The following CSMD1 variants were observed in gnomAD, a reference collection of about 807,000 sequenced individuals.
The protein encoded by CSMD1 is CUB and sushi domain-containing protein 1.
CSMD1 carries 213 observed loss-of-function variants against 417.5 expected under a neutral mutation model. The ratio of observed to expected loss-of-function variants is 0.51; its 90% CI spans 0.46 to 0.57. The LOEUF (loss-of-function observed/expected upper bound fraction) is 0.57, where lower values mean the gene tolerates loss of function less well. Among genes scored for constraint, CSMD1 ranks in the 20% least tolerant of loss-of-function variants. CSMD1 has a pLI of 0.00. For synonymous variants in CSMD1, 2,862 were observed against 1,736.8 expected (o/e 1.65, Z -16.11); for missense variants, 6,923 against 4,529.7 (o/e 1.53, Z -15.17).
intron 7 of CSMD1, among the ~76,000 whole-genome samples, chr8:3,694,640 G>C (rs1800448396): frequency 6.6e-6 from 1 of 151,958 alleles, no homozygotes; most frequent in Non-Finnish European, 1.5e-5. Flanking sequence ...GAGGGAGGCT[G>C]GGTGGGTGGA....
At chr8:3,095,654 A>AT (rs909428582) in intron 47 of CSMD1, among the ~76,000 whole-genome samples, 9 of 152,268 alleles carry the variant, frequency 5.9e-5, no homozygotes, top group Middle Eastern at 6.8e-3. Context: ...AGAATAATTT[A>AT]TTTTTTTCAC....
intron 2 of CSMD1, among the ~76,000 whole-genome samples, chr8:4,524,087 T>C (rs1040999878): frequency 6.6e-6 from 1 of 152,062 alleles, no homozygotes; most frequent in African/African-American, 2.4e-5. Flanking sequence ...AACTAGACTC[T>C]GGAATAGTCC....
At chr8:3,652,286 G>C (rs1190336343) in intron 7 of CSMD1, among the ~76,000 whole-genome samples, 1 of 150,642 alleles carries the variant, frequency 6.6e-6, no homozygotes, top group Non-Finnish European at 1.5e-5. Context: ...ACCACCATCA[G>C]CTTACCACTG....
chr8:4,621,694 C>A (rs1263216569), intron 2 of CSMD1, among the ~76,000 whole-genome samples: 1 of 151,958 alleles, frequency 6.6e-6, no homozygotes, highest in Admixed American at 6.6e-5. Context: ...TTACCGTCTC[C>A]TGTACAGTGA....
chr8:3,958,952 T>G (rs1812145899), intron 5 of CSMD1, among the ~76,000 whole-genome samples: 1 of 152,322 alleles, frequency 6.6e-6, no homozygotes, highest in East Asian at 1.9e-4. Context: ...AGCCCTGACC[T>G]TGGCTTAGGA....
At chr8:4,178,477 C>G (rs941981079) in intron 3 of CSMD1, among the ~76,000 whole-genome samples, 3 of 151,278 alleles carry the variant, frequency 2.0e-5, no homozygotes, top group Admixed American at 1.3e-4. Context: ...CAATATCATA[C>G]TGAATGGGCA....
chr8:3,313,840 A>G (rs193021168), intron 23 of CSMD1, among the ~76,000 whole-genome samples: 97 of 152,322 alleles, frequency 6.4e-4, no homozygotes, highest in African/African-American at 2.3e-3. Flanking sequence ...TAGCGGCACT[A>G]TTCACAATAG....
intron 1 of CSMD1, among the ~76,000 whole-genome samples, chr8:4,730,769 A>G (rs1303436971): frequency 6.6e-6 from 1 of 152,054 alleles, no homozygotes; most frequent in Non-Finnish European, 1.5e-5. Flanking sequence ...AAAAAGAATA[A>G]AGGAAATGAA....
At chr8:3,936,826 C>G (rs1810531907) in intron 5 of CSMD1, among the ~76,000 whole-genome samples, 1 of 152,130 alleles carries the variant, frequency 6.6e-6, no homozygotes, top group East Asian at 1.9e-4. Flanking sequence ...AAGGCTATTG[C>G]TGCATGGAGA....
intron 4 of CSMD1, among the ~76,000 whole-genome samples, chr8:4,018,756 G>C (rs1047017929): frequency 2.6e-5 from 4 of 152,102 alleles, no homozygotes; most frequent in Admixed American, 2.6e-4. Context: ...TGTGACAAGG[G>C]CCGTGGCACA....
chr8:4,752,424 G>A (rs1256910188), intron 1 of CSMD1, among the ~76,000 whole-genome samples: 1 of 152,156 alleles, frequency 6.6e-6, no homozygotes, highest in Non-Finnish European at 1.5e-5. Flanking sequence ...CTGAACTTGT[G>A]ACTGATTGTT....
intron 1 of CSMD1, among the ~76,000 whole-genome samples, chr8:4,717,152 G>T (rs553543519): frequency 6.6e-6 from 1 of 151,410 alleles, no homozygotes; most frequent in African/African-American, 2.4e-5. Flanking sequence ...AAAAACTAGG[G>T]TATACAGTGA....
chr8:3,222,132 C>A (rs1043147321), intron 28 of CSMD1, among the ~76,000 whole-genome samples: 3 of 152,106 alleles, frequency 2.0e-5, no homozygotes, highest in South Asian at 4.2e-4. Context: ...GACATTGGGT[C>A]GGCTAATAAG....
Position 4,543,751 on chromosome 8 carries a change from G to A in CSMD1, c.302+93591C>T, listed in dbSNP as rs76011471. 3.1e-3 allele frequency among the ~76,000 whole-genome samples: 409 copies of A among 130,500 alleles called. 2 individuals are homozygous for A. Among genetic ancestry groups the A allele is most frequent in the Middle Eastern group, 5.0e-3 (1 of 200 alleles). 85.6% of individuals were successfully genotyped at this position (130,500 alleles called of 152,430 possible). A position where few individuals can be genotyped will look rare whatever the true frequency, so the allele number is the denominator to read the frequency against. On this transcript the variant is annotated intron_variant, in intron 2 of 69. Coordinates refer to ENST00000635120, the MANE Select transcript of CSMD1 (RefSeq NM_033225.6). ...GGCTGTACCATTTTGCATTCCCACC[G>A]CTAATGACTGAGAGTTCCAGTGGAT...
intron 3 of CSMD1, among the ~76,000 whole-genome samples, chr8:4,227,059 C>A (rs887766133): frequency 1.3e-5 from 2 of 152,146 alleles, no homozygotes; most frequent in Non-Finnish European, 2.9e-5. Flanking sequence ...GACTGAACGA[C>A]TCTGAAGGTG....
rs546448407 is a variant in CSMD1 at position 4,177,540 on chromosome 8, C to G, written c.416-145441G>C. Among the ~76,000 whole-genome samples the G allele has an allele frequency of 1.2e-4, 19 of 152,172 alleles. No individual in the cohort carries two copies. In the South Asian group the frequency reaches 4.0e-3, roughly 32 times the overall value. On this transcript the variant is annotated intron_variant, in intron 3 of 69. Transcript: ENST00000635120. ...AAAGAACTAGAAAAACAAGAGCAAA[C>G]ACATTCAAAGCTAGCAGAAGGCAAG...
At chr8:4,123,285 G>A (rs747451601) in intron 3 of CSMD1, among the ~76,000 whole-genome samples, 2 of 152,146 alleles carry the variant, frequency 1.3e-5, no homozygotes, top group African/African-American at 2.4e-5. Flanking sequence ...AATATATTAG[G>A]TCAACAAACA....
chr8:3,789,519 T>A (rs1799617362), intron 5 of CSMD1, among the ~76,000 whole-genome samples: 1 of 150,998 alleles, frequency 6.6e-6, no homozygotes, highest in Non-Finnish European at 1.5e-5. Flanking sequence ...ACCATTCAGG[T>A]TTTTATGCTA....
At chr8:4,825,440 T>G (rs184420643) in intron 1 of CSMD1, among the ~76,000 whole-genome samples, 1 of 152,192 alleles carries the variant, frequency 6.6e-6, no homozygotes, top group Admixed American at 6.6e-5. Flanking sequence ...ACCAGCAGTT[T>G]TCTAGAACTT....
Sources: allele counts gnomAD v4.1 joint callset (sites outside exome capture counted in the v4.1 genomes callset), GRCh38; gene constraint gnomAD v4.1.1; transcripts MANE v1.5; gene names NCBI Gene and HGNC (gene_info 2026-07-23, HGNC 2026-07-21).